Variants in C1QTNF7 observed in about 807,000 individuals in gnomAD.
The protein encoded by C1QTNF7 is complement C1q tumor necrosis factor-related protein 7.
In C1QTNF7, 15 loss-of-function variants were observed where a neutral mutation model predicts 19.6. That is an observed-to-expected ratio of 0.76 (90% CI 0.51 to 1.18). The LOEUF is 1.18. Ranked by LOEUF, C1QTNF7 falls within the 50% of genes most tolerant of loss-of-function variation. The probability of loss-of-function intolerance (pLI) is 0.00; values close to 1 mark genes in which losing one functional copy is unlikely to be tolerated. For synonymous variants in C1QTNF7, 142 were observed against 137.5 expected (o/e 1.03, Z -0.23); for missense variants, 324 against 359.7 (o/e 0.90, Z 0.80).
chr4:15,425,909 G>A (rs116583947), upstream of C1QTNF7, among the ~76,000 whole-genome samples: 428 of 152,204 alleles, frequency 2.8e-3, 2 homozygotes, highest in African/African-American at 9.6e-3. Flanking sequence ...CAGCAAGTGC[G>A]AATTCTACAA....
intron 1 of C1QTNF7, among the ~76,000 whole-genome samples, chr4:15,356,460 C>T (rs1019201504): frequency 1.1e-4 from 16 of 152,182 alleles, no homozygotes; most frequent in African/African-American, 2.6e-4. Flanking sequence ...TAGTATTCCA[C>T]GGTGTATATG....
chr4:15,436,278 A>G (rs758405891), intron 2 of C1QTNF7, among the ~76,000 whole-genome samples: 1 of 152,198 alleles, frequency 6.6e-6, no homozygotes, highest in Non-Finnish European at 1.5e-5. Context: ...GTGGATGTGC[A>G]CTGCTAGTAG....
chr4:15,400,224 C>T (rs1718933538), intron 1 of C1QTNF7, among the ~76,000 whole-genome samples: 1 of 152,124 alleles, frequency 6.6e-6, no homozygotes, highest in South Asian at 2.1e-4. Context: ...AGAGAATAAA[C>T]AACTTGACTG....
chr4:15,423,286 T>C (rs1275051214), upstream of C1QTNF7, among the ~76,000 whole-genome samples: 1 of 148,862 alleles, frequency 6.7e-6, no homozygotes, highest in East Asian at 2.0e-4. Flanking sequence ...CCCAGTGCAG[T>C]GTAAGAACTG....
intron 1 of C1QTNF7, among the ~76,000 whole-genome samples, chr4:15,421,800 TAA>T (rs1711776302): frequency 6.6e-6 from 1 of 152,314 alleles, no homozygotes; most frequent in South Asian, 2.1e-4. Context: ...AGTAGATGGT[TAA>T]TAAATATATA....
chr4:15,356,209 T>C (rs910914412), intron 1 of C1QTNF7, among the ~76,000 whole-genome samples: 1 of 152,116 alleles, frequency 6.6e-6, no homozygotes, highest in African/African-American at 2.4e-5. Flanking sequence ...CATCAACCCG[T>C]CATCTACATT....
intron 1 of C1QTNF7, among the ~76,000 whole-genome samples, chr4:15,396,330 G>A (rs761097605): frequency 2.6e-4 from 40 of 152,192 alleles, no homozygotes; most frequent in Non-Finnish European, 4.1e-4. Flanking sequence ...CTTCAAATGG[G>A]AGGGGCAGGG....
chr4:15,438,573 T>C (rs955160341), intron 2 of C1QTNF7, among the ~76,000 whole-genome samples: 2 of 152,248 alleles, frequency 1.3e-5, no homozygotes, highest in African/African-American at 4.8e-5. Flanking sequence ...ATAAATTTTC[T>C]ATTAAAGTAT....
chr4:15,425,002 G>C (rs184825652), upstream of C1QTNF7, among the ~76,000 whole-genome samples: 60 of 152,152 alleles, frequency 3.9e-4, no homozygotes, highest in Non-Finnish European at 5.9e-4. Context: ...TGAATACCCA[G>C]ACCAAGCATT....
intron 1 of C1QTNF7, among the ~76,000 whole-genome samples, chr4:15,354,982 C>T (rs528950309): frequency 1.2e-3 from 185 of 152,150 alleles, no homozygotes; most frequent in African/African-American, 4.2e-3. Context: ...CTAGCCAGGG[C>T]GCGCTTTGGG....
intron 1 of C1QTNF7, among the ~76,000 whole-genome samples, chr4:15,387,002 G>A (rs1321904785): frequency 6.6e-6 from 1 of 152,162 alleles, no homozygotes; most frequent in Non-Finnish European, 1.5e-5. Flanking sequence ...AAACCAGATA[G>A]CGACTGTTTC....
intron 1 of C1QTNF7, among the ~76,000 whole-genome samples, chr4:15,349,839 A>C (rs1174245974): frequency 2.6e-5 from 4 of 152,142 alleles, no homozygotes; most frequent in Non-Finnish European, 4.4e-5. Context: ...CCTATTTAGA[A>C]AGATGTTTTG....
chr4:15,386,611 A>C (rs1180575418), intron 1 of C1QTNF7, among the ~76,000 whole-genome samples: 2 of 152,222 alleles, frequency 1.3e-5, no homozygotes, highest in Admixed American at 1.3e-4. Context: ...GAGAGTGGTC[A>C]AAAGAGGCTT....
intron 1 of C1QTNF7, among the ~76,000 whole-genome samples, chr4:15,345,268 G>C (rs1268917635): frequency 6.6e-6 from 1 of 152,188 alleles, no homozygotes; most frequent in Non-Finnish European, 1.5e-5. Context: ...GTCTTGTCTT[G>C]TAAATGACCT....
chr4:15,370,106 CTA>C (rs1717667608), intron 1 of C1QTNF7, among the ~76,000 whole-genome samples: 1 of 151,686 alleles, frequency 6.6e-6, no homozygotes, highest in Non-Finnish European at 1.5e-5. Context: ...TTTTTTAATT[CTA>C]TGATTATTAT....
chr4:15,416,162 C>A (rs370061184), intron 1 of C1QTNF7, among the ~76,000 whole-genome samples: 1 of 152,168 alleles, frequency 6.6e-6, no homozygotes, highest in Non-Finnish European at 1.5e-5. Flanking sequence ...TTTGCAAGAA[C>A]AATCTATAAA....
intron 2 of C1QTNF7, among the ~76,000 whole-genome samples, chr4:15,437,301 T>C (rs1712576417): frequency 6.6e-6 from 1 of 152,004 alleles, no homozygotes; most frequent in African/African-American, 2.4e-5. Flanking sequence ...CTTGGCCACA[T>C]ATGCTCTTAG....
At chr4:15,378,573 A>T (rs548009987) in intron 1 of C1QTNF7, among the ~76,000 whole-genome samples, 6 of 152,306 alleles carry the variant, frequency 3.9e-5, no homozygotes, top group Non-Finnish European at 8.8e-5. Flanking sequence ...CAATTTTTTT[A>T]AAAGCTCATA....
intron 1 of C1QTNF7, among the ~76,000 whole-genome samples, chr4:15,433,969 G>T (rs1712428476): frequency 1.3e-5 from 2 of 152,198 alleles, no homozygotes; most frequent in Admixed American, 6.5e-5. Context: ...GTGGCAGGGG[G>T]TGTGAACAGA....
Sources: gnomAD v4.1 joint callset for allele counts (sites outside exome capture counted in the v4.1 genomes callset) on GRCh38, gnomAD v4.1.1 for gene constraint, MANE v1.5 for transcripts, NCBI Gene and HGNC (gene_info 2026-07-23, HGNC 2026-07-21) for gene names.